The following ACSM3 variants were observed in gnomAD, a reference collection of about 807,000 sequenced individuals.
The protein encoded by ACSM3 is acyl-coenzyme A synthetase ACSM3, mitochondrial.
Under a neutral mutation model 74.1 loss-of-function variants are expected in ACSM3, and 61 were observed. The ratio of observed to expected loss-of-function variants is 0.82; its 90% CI spans 0.67 to 1.02. The LOEUF (loss-of-function observed/expected upper bound fraction) is 1.02, where lower values mean the gene tolerates loss of function less well. Among genes scored for constraint, ACSM3 ranks in the 50% least tolerant of loss-of-function variants. The pLI, the probability that ACSM3 is intolerant of heterozygous loss-of-function variation, is 0.00. For missense variants in ACSM3, 660 were observed against 697.0 expected (o/e 0.95, Z 0.60); for synonymous variants, 213 against 241.5 (o/e 0.88, Z 1.09).
chr16:20,792,063 G>T lies in ACSM3; in HGVS notation c.1388G>T (p.Gly463Val). 1 of 1,614,156 alleles carries T rather than the reference G, an allele frequency of 6.2e-7. No homozygotes were observed. ...RGNFYITGDR[G>V]YMDKDGYFWF... is the part of the protein sequence containing the mutation. ...AATTTCTATATCACTGGGGACAGAG[G>T]ATATATGGATAAAGATGGGTATTTC... Residue 463 changes from glycine to valine, a missense_variant, in exon 11 of 14, where the codon GGA becomes GTA. By Grantham distance (109) the Gly-to-Val change is moderately radical. Coordinates refer to ENST00000289416, the MANE Select transcript of ACSM3 (RefSeq NM_005622.4).
chr16:20,737,962 GAA>G (rs751523219), intron 1 of ACSM3: 4 of 1,254,916 alleles, frequency 3.2e-6, no homozygotes, highest in Admixed American at 2.5e-5. Flanking sequence ...AGGCTCTTAA[GAA>G]AAAAAAAAAG....
intron 1 of ACSM3, chr16:20,738,260 T>C (rs1292864657): frequency 4.1e-6 from 2 of 483,070 alleles, no homozygotes; most frequent in East Asian, 1.2e-4. Flanking sequence ...AACACCATGC[T>C]GTTGTTTTCC....
At chr16:20,707,890 T>C (rs1213605082) in intron 1 of ACSM3, among the ~76,000 whole-genome samples, 1 of 152,034 alleles carries the variant, frequency 6.6e-6, no homozygotes, top group African/African-American at 2.4e-5. Flanking sequence ...CCACAAAAAA[T>C]TGGATATCTA....
intron 1 of ACSM3, 86 bp from the exon 2 acceptor site, chr16:20,769,898 A>C: frequency 1.4e-6 from 1 of 710,776 alleles, no homozygotes; most frequent in African/African-American, 1.8e-5. Context: ...GATGATTATC[A>C]ATACTAATAA....
At chr16:20,750,604 C>G (rs1479221788) in intron 2 of ACSM3, among the ~76,000 whole-genome samples, 3 of 152,116 alleles carry the variant, frequency 2.0e-5, no homozygotes, top group African/African-American at 7.2e-5. Flanking sequence ...CTAGGAAAAT[C>G]CATTAAGCAA....
At chr16:20,696,129 G>A (rs1046149608) in intron 1 of ACSM3, among the ~76,000 whole-genome samples, 9 of 152,108 alleles carry the variant, frequency 5.9e-5, no homozygotes, top group African/African-American at 9.7e-5. Flanking sequence ...ATAGCATATC[G>A]CCTATATGTG....
At chr16:20,775,777 G>T in intron 2 of ACSM3, 62 bp from the exon 3 acceptor site, 1 of 1,537,986 alleles carries the variant, frequency 6.5e-7, no homozygotes, top group South Asian at 1.1e-5. Context: ...CATTGAGTCA[G>T]TTGGCCCAGA....
intron 10 of ACSM3, among the ~76,000 whole-genome samples, chr16:20,791,569 A>G (rs969020782): frequency 1.3e-5 from 2 of 152,132 alleles, no homozygotes; most frequent in Admixed American, 6.5e-5. Flanking sequence ...TTCACAATCT[A>G]TCTCTTCCTA....
At chr16:20,785,947 G>A in intron 8 of ACSM3, 131 bp from the exon 9 acceptor site, 1 of 559,014 alleles carries the variant, frequency 1.8e-6, no homozygotes, top group Non-Finnish European at 3.1e-6. Flanking sequence ...CATTCCATGA[G>A]AGTATAGCAT....
chr16:20,727,405 T>C (rs1300098747), intron 1 of ACSM3: 5 of 556,720 alleles, frequency 9.0e-6, no homozygotes, highest in Non-Finnish European at 1.7e-5. Context: ...CCGGAGGTGC[T>C]GGAGCAGTGG....
chr16:20,731,034 C>T (rs1596487460), intron 1 of ACSM3, among the ~76,000 whole-genome samples: 2 of 152,022 alleles, frequency 1.3e-5, no homozygotes, highest in Non-Finnish European at 2.9e-5. Context: ...CTAATTTTTT[C>T]TTTTTAGTCT....
chr16:20,736,651 C>G (rs1324302294), intron 1 of ACSM3: 8 of 496,932 alleles, frequency 1.6e-5, no homozygotes, highest in African/African-American at 3.8e-5. Flanking sequence ...CCTATCCTCC[C>G]CTCTTTGCAA....
rs1567354004 is a variant in ACSM3, at chr16:20,780,974, GT to G, written c.785del (p.Phe262SerfsTer3). 1 of 1,614,024 alleles carries G rather than the reference GT, an allele frequency of 6.2e-7. No individual in the cohort carries two copies. The highest frequency in any genetic ancestry group is 8.5e-7 in the Non-Finnish European group (1 of 1,180,008). ...TCAGGGCTACTCTTTGTTTTCCCAG[GT>G]TCTGGCTAGATTTGACACCCTCAGA... ...FGLGLSVNGR[F>X]WLDLTPSDVM... On this transcript the variant is annotated frameshift_variant and splice_region_variant, in exon 6 of 14. Transcript: ENST00000289416. LOFTEE classifies it high-confidence loss of function.
intron 1 of ACSM3, among the ~76,000 whole-genome samples, chr16:20,730,701 A>G (rs1047987606): frequency 3.4e-4 from 52 of 152,278 alleles, no homozygotes; most frequent in African/African-American, 1.2e-3. Flanking sequence ...AGAAGTAACC[A>G]CCAATTAGAA....
At position 20,781,035 on chromosome 16, in the gene ACSM3, A is replaced by G. The variant is rs1374118718; in HGVS notation, c.844A>G (p.Lys282Glu). The change falls in exon 6 of 14, where the codon AAG becomes GAG. Residue 282 changes from lysine to glutamate, a missense_variant. Coordinates refer to ENST00000289416, the MANE Select transcript of ACSM3 (RefSeq NM_005622.4). ...MWNTSDTGWA[K>E]SAWSSVFSPW... ...GAATACCTCAGATACGGGCTGGGCAAAGTCTGCATGGAGTAGTGTTTTTTC... is the reference window on the plus strand; with the variant it reads ...GAATACCTCAGATACGGGCTGGGCAGAGTCTGCATGGAGTAGTGTTTTTTC... 2 of 1,614,198 alleles carry G rather than the reference A, an allele frequency of 1.2e-6. No individual in the cohort carries two copies. Among genetic ancestry groups the G allele is most frequent in the South Asian group, 2.2e-5 (2 of 91,082 alleles).
chr16:20,744,746 T>C (rs2152427409), intron 1 of ACSM3, among the ~76,000 whole-genome samples: 1 of 152,334 alleles, frequency 6.6e-6, no homozygotes, highest in South Asian at 2.1e-4. Context: ...TGTACCTTAC[T>C]TCCATTTCCT....
chr16:20,765,372 G>A (rs1409548138), intron 1 of ACSM3, among the ~76,000 whole-genome samples: 1 of 152,146 alleles, frequency 6.6e-6, no homozygotes, highest in Non-Finnish European at 1.5e-5. Flanking sequence ...AGAGGATGTC[G>A]ATATTTGCTT....
At position 20,682,421 on chromosome 16, in the gene ACSM3, T is replaced by A. The variant is rs200574024; in HGVS notation, c.-190+7599T>A. 5.5e-5 allele frequency: 89 copies of A among 1,613,876 alleles called. No individual in the cohort carries two copies. In the East Asian group the frequency reaches 1.2e-3, roughly 23 times the overall value. ...AGACAACTGTAGTCGATAGAGAATG[T>A]CTTTGGCCTTCAACAGGATGGTCGC... On this transcript the variant is annotated intron_variant, in intron 1 of 3. Coordinates refer to the ACSM3 transcript ENST00000561584.
chr16:20,769,229 C>T (rs553587184), intron 1 of ACSM3, among the ~76,000 whole-genome samples: 1 of 152,114 alleles, frequency 6.6e-6, no homozygotes, highest in Non-Finnish European at 1.5e-5. Context: ...ACTCATAATC[C>T]CTAGAACTGT....
Sources: allele counts gnomAD v4.1 joint callset (sites outside exome capture counted in the v4.1 genomes callset), GRCh38; gene constraint gnomAD v4.1.1; transcripts MANE v1.5; gene names NCBI Gene and HGNC (gene_info 2026-07-23, HGNC 2026-07-21).